The following RYR2 variants were observed in gnomAD, a reference collection of about 807,000 sequenced individuals.
The protein encoded by RYR2 is cardiac muscle ryanodine receptor-calcium release channel.
RYR2 carries 227 observed loss-of-function variants against 601.1 expected under a neutral mutation model. That is an observed-to-expected ratio of 0.38 (90% CI 0.34 to 0.42). RYR2 has a LOEUF of 0.42. Among genes scored for constraint, RYR2 ranks in the 10% least tolerant of loss-of-function variants. RYR2 has a pLI of 1.00. For synonymous variants in RYR2, 2,223 were observed against 2,175.1 expected (o/e 1.02, Z -0.61); for missense variants, 4,646 against 6,156.5 (o/e 0.75, Z 8.21).
intron 27 of RYR2, 39 bp from the exon 28 acceptor site, chr1:237,566,528 C>T (rs1467903692): frequency 6.3e-7 from 1 of 1,584,474 alleles, no homozygotes; most frequent in Admixed American, 1.7e-5. Context: ...TTTCACCTCC[C>T]CATCCAATGA....
chr1:237,222,535 C>A (rs1683934766), intron 1 of RYR2, among the ~76,000 whole-genome samples: 1 of 152,024 alleles, frequency 6.6e-6, no homozygotes, highest in Admixed American at 6.5e-5. Flanking sequence ...ATTTGACCAG[C>A]CAGAATCTTA....
At chr1:237,503,773 T>C (rs999152593) in intron 22 of RYR2, among the ~76,000 whole-genome samples, 1 of 152,138 alleles carries the variant, frequency 6.6e-6, no homozygotes, top group African/African-American at 2.4e-5. Flanking sequence ...AGTGGTGCAA[T>C]CTCGGCTCGC....
At chr1:237,202,771 T>C (rs1681340057) in intron 1 of RYR2, among the ~76,000 whole-genome samples, 1 of 152,144 alleles carries the variant, frequency 6.6e-6, no homozygotes, top group South Asian at 2.1e-4. Context: ...ATTCTGAAGA[T>C]GGCATCTGCA....
intron 63 of RYR2, among the ~76,000 whole-genome samples, chr1:237,693,015 G>A (rs983901181): frequency 6.6e-6 from 1 of 152,108 alleles, no homozygotes; most frequent in Admixed American, 6.6e-5. Context: ...AGCCACCCAG[G>A]TCCGGCCTTC....
chr1:237,472,985 C>T (rs759023137), intron 17 of RYR2, among the ~76,000 whole-genome samples: 4 of 151,284 alleles, frequency 2.6e-5, no homozygotes, highest in Admixed American at 1.3e-4. Context: ...TTATTTTTTC[C>T]ACCTTGCTTT....
At chr1:237,172,129 C>T (rs1452463916) in intron 1 of RYR2, among the ~76,000 whole-genome samples, 1 of 152,202 alleles carries the variant, frequency 6.6e-6, no homozygotes, top group Non-Finnish European at 1.5e-5. Context: ...GTAATTAAAT[C>T]ATGGTTTAAT....
chr1:237,769,605 A>C (rs1694108925), intron 84 of RYR2, among the ~76,000 whole-genome samples: 1 of 152,190 alleles, frequency 6.6e-6, no homozygotes, highest in East Asian at 1.9e-4. Context: ...TTTGAAAGTC[A>C]CAGACTGCGG....
At position 237,792,087 on chromosome 1, in the gene RYR2, T is replaced by A. The variant is rs776614513; in HGVS notation, c.13564-18T>A. The A allele has an allele frequency of 1.3e-6, 2 of 1,558,134 alleles. No homozygotes were observed. The highest frequency in any genetic ancestry group is 1.7e-6 in the Non-Finnish European group (2 of 1,145,978). On this transcript the variant is annotated intron_variant, in intron 93 of 104. Transcript: ENST00000366574. ...TTAGATGCAGCAAACTGACTCTACT[T>A]TAAATGCTTTGAATCAGGTCTCCAC...
intron 63 of RYR2, among the ~76,000 whole-genome samples, chr1:237,697,829 G>A (rs1573567522): frequency 6.6e-6 from 1 of 151,950 alleles, no homozygotes; most frequent in East Asian, 1.9e-4. Flanking sequence ...TGCTCATTTT[G>A]TCTTCATTAT....
intron 80 of RYR2, chr1:237,755,132 G>A (rs1284205348): frequency 1.5e-5 from 19 of 1,274,532 alleles, no homozygotes; most frequent in South Asian, 5.1e-5. Flanking sequence ...CAGCATAAAT[G>A]TCTGTGTTGG....
At chr1:237,487,749 A>G (rs1662858161) in intron 17 of RYR2, among the ~76,000 whole-genome samples, 1 of 151,002 alleles carries the variant, frequency 6.6e-6, no homozygotes, top group Admixed American at 6.6e-5. Context: ...AAATTATTCC[A>G]ATAAACCAGG....
chr1:237,299,562 A>C (rs982777813), intron 2 of RYR2, among the ~76,000 whole-genome samples: 1 of 152,182 alleles, frequency 6.6e-6, no homozygotes, highest in South Asian at 2.1e-4. Flanking sequence ...TGAGACACCC[A>C]AGATGCTTTT....
rs762650743 is a variant in RYR2, at chr1:237,500,892, T to G, written c.2385T>G (p.Ser795=). 6.2e-7 allele frequency: 1 copy of G among 1,614,012 alleles called. No individual in the cohort carries two copies. The highest frequency in any genetic ancestry group is 8.5e-7 in the Non-Finnish European group (1 of 1,179,866). The part of the protein sequence containing the change: ...DGLFFPVVSF[S]AGIKVRFLLG... ...TCTTCTTTCCAGTCGTTAGTTTCTCTGCAGGAATAAAGTTAGTATGTCTAT... is the reference window on the plus strand; with the variant it reads ...TCTTCTTTCCAGTCGTTAGTTTCTCGGCAGGAATAAAGTTAGTATGTCTAT... Residue 795 remains serine, a synonymous_variant, in exon 21 of 105, where the codon TCT becomes TCG. Coordinates refer to ENST00000366574, the MANE Select transcript of RYR2 (RefSeq NM_001035.3).
intron 2 of RYR2, among the ~76,000 whole-genome samples, chr1:237,328,763 T>C (rs1696408642): frequency 6.6e-6 from 1 of 152,218 alleles, no homozygotes; most frequent in African/African-American, 2.4e-5. Context: ...CCATAAAGCA[T>C]CATTTTATGC....
At chr1:237,627,736 G>A (rs1246301483) in intron 40 of RYR2, 71 bp from the exon 41 acceptor site, 24 of 1,445,190 alleles carry the variant, frequency 1.7e-5, no homozygotes, top group Non-Finnish European at 2.1e-5. Context: ...TACAGGATAT[G>A]GACTTGAAAT....
At chr1:237,287,352 C>T (rs192298937) in intron 2 of RYR2, among the ~76,000 whole-genome samples, 9 of 152,278 alleles carry the variant, frequency 5.9e-5, no homozygotes, top group South Asian at 4.1e-4. Context: ...TGGATGTCTA[C>T]GTCTCTAGCA....
intron 10 of RYR2, among the ~76,000 whole-genome samples, chr1:237,407,203 G>A (rs1044767486): frequency 2.0e-5 from 3 of 152,124 alleles, no homozygotes; most frequent in Admixed American, 6.5e-5. Flanking sequence ...TCCAATGGAT[G>A]TGTTACAGTT....
chr1:237,340,544 T>C (rs1405385910), intron 3 of RYR2, among the ~76,000 whole-genome samples: 3 of 152,218 alleles, frequency 2.0e-5, no homozygotes, highest in Admixed American at 6.5e-5. Flanking sequence ...TGTGTGTTTA[T>C]ATTGTAGACA....
At chr1:237,365,920 C>T (rs2149735244) in intron 5 of RYR2, among the ~76,000 whole-genome samples, 1 of 152,250 alleles carries the variant, frequency 6.6e-6, no homozygotes, top group Non-Finnish European at 1.5e-5. Context: ...TAATTAGGCC[C>T]CCAGTTCTTT....
Sources: gnomAD v4.1 joint callset for allele counts (sites outside exome capture counted in the v4.1 genomes callset) on GRCh38, gnomAD v4.1.1 for gene constraint, MANE v1.5 for transcripts, NCBI Gene and HGNC (gene_info 2026-07-23, HGNC 2026-07-21) for gene names.